The following NBPF12 variants were observed in gnomAD, a reference collection of about 807,000 sequenced individuals.
NBPF12 encodes NBPF family member NBPF12.
NBPF12 carries 115 observed loss-of-function variants against 146.4 expected under a neutral mutation model. That is an observed-to-expected ratio of 0.79 (90% confidence interval 0.68 to 0.92). The LOEUF is 0.92. Ranked by LOEUF, NBPF12 falls within the 40% of genes least tolerant of loss-of-function variation. The pLI, the probability that NBPF12 is intolerant of heterozygous loss-of-function variation, is 0.00. For missense variants in NBPF12, 1,205 were observed against 1,326.8 expected (o/e 0.91, Z 1.43); for synonymous variants, 385 against 508.9 (o/e 0.76, Z 3.28).
chr1:146,983,051 A>G (rs1183222922), exon 20 of NBPF12: 37 of 1,606,500 alleles, frequency 2.3e-5, no homozygotes, highest in Middle Eastern at 2.2e-4. Context: ...CATTTCACTC[A>G]TTAGAGGAAC....
chr1:146,972,367 C>T (rs1205320230), intron 13 of NBPF12, among the ~76,000 whole-genome samples: 2 of 151,314 alleles, frequency 1.3e-5, no homozygotes, highest in Non-Finnish European at 2.9e-5. Flanking sequence ...GCACTGCAGC[C>T]TGCGTGACAG....
At chr1:146,968,696 C>G (rs1656366609) in intron 10 of NBPF12, 146 bp downstream of exon 13, 2 of 727,300 alleles carry the variant, frequency 2.7e-6, no homozygotes, top group Non-Finnish European at 4.8e-6. Context: ...AAATATTTAT[C>G]AAACAGAGAA....
At chr1:146,948,979 CT>C (rs1231132250), upstream of NBPF12, among the ~76,000 whole-genome samples, 1 of 151,664 alleles carries the variant, frequency 6.6e-6, no homozygotes, top group Non-Finnish European at 1.5e-5. Flanking sequence ...AAGCACAGCA[CT>C]TTTTTCTTTA....
chr1:146,964,510 G>A (rs1354157146), intron 7 of NBPF12, 81 bp downstream of exon 10: 5 of 1,589,272 alleles, frequency 3.1e-6, no homozygotes, highest in African/African-American at 2.7e-5. Context: ...TGGCATCTAT[G>A]GTGGGCCAAA....
intron 14 of NBPF12, 96 bp downstream of exon 17, chr1:146,973,056 C>T: frequency 2.8e-6 from 2 of 712,824 alleles, no homozygotes; most frequent in Non-Finnish European, 5.1e-6. Flanking sequence ...ATAATGTCAT[C>T]CTCCCCATAC....
At chr1:146,944,368 G>A (rs1286399863), upstream of NBPF12, among the ~76,000 whole-genome samples, 6,810 of 144,676 alleles carry the variant, frequency 0.047, 946 homozygotes, top group African/African-American at 0.16. Flanking sequence ...TCCTTCTCAC[G>A]TGGCCATCCA....
At chr1:146,971,729 G>A (rs1467194614) in intron 13 of NBPF12, among the ~76,000 whole-genome samples, 7 of 150,610 alleles carry the variant, frequency 4.6e-5, no homozygotes, top group African/African-American at 1.5e-4. Context: ...TCCCACTCTC[G>A]TTCACTCCTC....
chr1:146,963,096 C>A (rs1292272538), exon 6 of NBPF12: 1 of 1,608,994 alleles, frequency 6.2e-7, no homozygotes, highest in African/African-American at 1.3e-5. Context: ...TCACCTTAGG[C>A]AATATAAAGT....
upstream of NBPF12, chr1:146,938,621 G>A (rs1485834696): frequency 1.3e-5 from 2 of 152,064 alleles, no homozygotes; most frequent in Admixed American, 6.5e-5. Context: ...GCCCAGCTGC[G>A]CTCCGTCCTC....
intron 18 of NBPF12, among the ~76,000 whole-genome samples, chr1:146,978,500 A>G (rs1657190313): frequency 6.7e-6 from 1 of 149,876 alleles, no homozygotes; most frequent in African/African-American, 2.5e-5. Context: ...CATGACCTCA[A>G]ATGATTCACC....
At chr1:146,976,746 G>T (rs1403582662) in intron 16 of NBPF12, among the ~76,000 whole-genome samples, 183 bp from the exon 20 acceptor site, 2 of 150,972 alleles carry the variant, frequency 1.3e-5, no homozygotes, top group Non-Finnish European at 1.5e-5. Context: ...CTCCAGATCA[G>T]AAATGCATTG....
chr1:146,977,181 G>A (rs1452907630), intron 17 of NBPF12, among the ~76,000 whole-genome samples, 180 bp downstream of exon 20: 3 of 146,436 alleles, frequency 2.0e-5, no homozygotes, highest in African/African-American at 2.6e-5. Context: ...TATGTGTGCC[G>A]AGTGTCATGT....
At chr1:146,956,355 T>C (rs1474489709) in intron 2 of NBPF12, among the ~76,000 whole-genome samples, 7 of 152,172 alleles carry the variant, frequency 4.6e-5, no homozygotes, top group African/African-American at 1.4e-4. Flanking sequence ...GTTGAAAGGC[T>C]GATGAACTGC....
At chr1:146,939,633 G>C (rs1654706796) in intron 1 of NBPF12, among the ~76,000 whole-genome samples, 2 of 151,944 alleles carry the variant, frequency 1.3e-5, no homozygotes, top group Admixed American at 1.3e-4. Flanking sequence ...AGACTTCTTA[G>C]ATTATCTCAT....
intron 10 of NBPF12, among the ~76,000 whole-genome samples, chr1:146,969,114 G>A (rs1175348680): frequency 2.6e-5 from 4 of 151,160 alleles, no homozygotes; most frequent in African/African-American, 7.4e-5. Flanking sequence ...TTTTTGAAAC[G>A]GAATTAGGAA....
chr1:146,972,023 T>G (rs1401553395), intron 13 of NBPF12, among the ~76,000 whole-genome samples: 2 of 146,318 alleles, frequency 1.4e-5, no homozygotes, highest in Admixed American at 6.8e-5. Context: ...AGGAACCGGA[T>G]CTTGCAGTGA....
At chr1:146,945,124 CTTCTT>C (rs1161436012), upstream of NBPF12, among the ~76,000 whole-genome samples, 3 of 146,630 alleles carry the variant, frequency 2.0e-5, no homozygotes, top group East Asian at 2.0e-4. Context: ...TCTTTCCTTT[CTTCTT>C]TTCTTTTTCT....
rs1657490981 is a variant in NBPF12, at chr1:146,983,038, G to A, written c.2561G>A (p.Ser854Asn). 1.9e-6 allele frequency: 3 copies of A among 1,607,820 alleles called. No individual in the cohort carries two copies. In the Admixed American group the frequency reaches 5.0e-5, roughly 27 times the overall value. ...TTGGCCTCATACCAGTCTTACAGCAGCACATTTCACTCATTAGAGGAACAG... is the reference window on the plus strand; with the variant it reads ...TTGGCCTCATACCAGTCTTACAGCAACACATTTCACTCATTAGAGGAACAG... The change falls in exon 20 of 34, where the codon AGC becomes AAC. Residue 854 changes from serine (S) to asparagine (N), a missense_variant. Physicochemically the swap from Ser to Asn is conservative, Grantham distance 46. This residue lies in a region of NBPF12 where 49 missense variants were observed against 49.9 expected (regional missense o/e 0.98). Coordinates refer to ENST00000617844, the Ensembl canonical transcript of NBPF12.
chr1:146,992,474 G>GTGTT (rs1570902941), intron 31 of NBPF12, among the ~76,000 whole-genome samples: 298 of 98,532 alleles, frequency 3.0e-3, no homozygotes, highest in Middle Eastern at 4.5e-3. Flanking sequence ...GTGTGTGTGT[G>GTGTT]TGTGTGTGTG....
Sources: allele counts gnomAD v4.1 joint callset (sites outside exome capture counted in the v4.1 genomes callset), GRCh38; gene constraint gnomAD v4.1.1; regional missense constraint gnomAD v4.1.1; transcripts MANE v1.5; gene names NCBI Gene and HGNC (gene_info 2026-07-23, HGNC 2026-07-21).